PRPF39: variants seen among roughly 807,000 people sequenced by gnomAD.
The protein encoded by PRPF39 is pre-mRNA processing factor 39.
In PRPF39, 27 loss-of-function variants were observed where a neutral mutation model predicts 82.1. The observed-to-expected ratio is 0.33, with a 90% CI of 0.24 to 0.45. PRPF39 has a LOEUF of 0.45. Among genes scored for constraint, PRPF39 ranks in the 20% least tolerant of loss-of-function variants. The pLI is 1.00. For synonymous variants in PRPF39, 261 were observed against 256.4 expected, an observed-to-expected ratio of 1.02 and a Z score of -0.17; for missense variants, 581 against 796.9, an observed-to-expected ratio of 0.73 and a Z score of 3.26.
intron 1 of PRPF39, chr14:45,088,097 G>A (rs1883901929): frequency 6.5e-6 from 1 of 153,054 alleles, no homozygotes; most frequent in Non-Finnish European, 1.5e-5. Flanking sequence ...GTGTAATCTG[G>A]TAGAGAAGAT....
rs760664907 is a variant in PRPF39 at position 45,107,403 on chromosome 14, A to C, written c.738-48A>C. The C allele has an allele frequency of 5.1e-6, 7 of 1,369,640 alleles. No homozygotes were observed. In the South Asian group the frequency reaches 8.2e-5, roughly 16 times the overall value. The allele number at this position is 1,369,640 out of a possible 1,614,324, so 84.8% of individuals were successfully genotyped here. On this transcript the variant is annotated intron_variant, in intron 5 of 13. Coordinates refer to ENST00000355765, the MANE Select transcript of PRPF39 (RefSeq NM_017922.4). The stretch of plus-strand genomic sequence containing the variant: ...TATATAGTAGGAATCTCAATATGAG[A>C]TCTAAAATTATGATTCAAATACATA...
chr14:45,110,948 C>T lies in PRPF39; in HGVS notation c.1572+131C>T. ...TTTATTACTAAATGAGGACAACAGT[C>T]CCTCTAAACTGATGTTGCCATTTAA... is the stretch of plus-strand genomic sequence containing the variant. On this transcript the variant is annotated intron_variant, in intron 10 of 13. Transcript: ENST00000355765. The surrounding 1 kb of genome is among the most constrained non-coding windows in gnomAD (Gnocchi z 4.0). 3 of 898,592 alleles carry T rather than the reference C, an allele frequency of 3.3e-6. No homozygotes were observed. Among genetic ancestry groups the T allele is most frequent in the East Asian group, 5.3e-5 (2 of 37,504 alleles). The allele number at this position is 898,592 out of a possible 1,614,324, so 55.7% of individuals were successfully genotyped here.
chr14:45,086,401 T>G (rs1034540254), intron 1 of PRPF39, among the ~76,000 whole-genome samples: 1 of 152,248 alleles, frequency 6.6e-6, no homozygotes, highest in Non-Finnish European at 1.5e-5. Context: ...TATTGCCTAT[T>G]CACTTTATGT....
At chr14:45,102,463 T>G in intron 4 of PRPF39, 66 bp from the exon 5 acceptor site, 1 of 1,335,762 alleles carries the variant, frequency 7.5e-7, no homozygotes, top group Non-Finnish European at 1.0e-6. Context: ...CTTCTAAATT[T>G]AGAAATAATA....
intron 5 of PRPF39, among the ~76,000 whole-genome samples, chr14:45,105,053 C>T (rs1467386239): frequency 6.6e-6 from 1 of 152,162 alleles, no homozygotes; most frequent in African/African-American, 2.4e-5. Context: ...CTTATATCCT[C>T]AACATGCCTG....
intron 1 of PRPF39, among the ~76,000 whole-genome samples, chr14:45,093,472 C>T (rs888926217): frequency 3.3e-5 from 5 of 152,080 alleles, no homozygotes; most frequent in African/African-American, 1.2e-4. Flanking sequence ...GGTCTACCCT[C>T]CTCGGCCTCC....
chr14:45,099,019 A>G (rs1016104851), intron 4 of PRPF39, among the ~76,000 whole-genome samples: 2 of 152,130 alleles, frequency 1.3e-5, no homozygotes, highest in African/African-American at 4.8e-5. Flanking sequence ...AGCTTCTGCT[A>G]TTGCTTTTGA....
At chr14:45,105,225 TAAAG>T (rs541632749) in intron 5 of PRPF39, among the ~76,000 whole-genome samples, 187 of 152,290 alleles carry the variant, frequency 1.2e-3, no homozygotes, top group African/African-American at 4.2e-3. Context: ...GTCACTGTTT[TAAAG>T]AAGTTGTTAC....
intron 1 of PRPF39, among the ~76,000 whole-genome samples, chr14:45,089,184 ATTAAGC>A: frequency 6.6e-6 from 1 of 152,356 alleles, no homozygotes; most frequent in African/African-American, 2.4e-5. Flanking sequence ...GTCCAGTATC[ATTAAGC>A]TTTCCCCTAC....
intron 5 of PRPF39, among the ~76,000 whole-genome samples, chr14:45,106,666 T>C (rs150394130): frequency 2.0e-4 from 30 of 152,262 alleles, no homozygotes; most frequent in African/African-American, 6.7e-4. Flanking sequence ...TTTGGACTTG[T>C]GTTGTAGTTT....
Position 45,112,891 on chromosome 14 carries a change from G to A in PRPF39, c.1757+389G>A, listed in dbSNP as rs549606953. On this transcript the variant is annotated intron_variant, in intron 11 of 13. Transcript: ENST00000355765. ...CTCCAGTAGGAGTGCTATTTTCTGAGATTGGAGAAGAGGATGGATATGGTC... is the reference window on the plus strand; with the variant it reads ...CTCCAGTAGGAGTGCTATTTTCTGAAATTGGAGAAGAGGATGGATATGGTC... Among the ~76,000 whole-genome samples, 8 of 152,324 alleles carry A rather than the reference G, an allele frequency of 5.3e-5. No individual in the cohort carries two copies. The South Asian group carries it at 6.2e-4, about 12-fold the overall frequency.
At chr14:45,107,861 G>A (rs944841061) in intron 6 of PRPF39, among the ~76,000 whole-genome samples, 3 of 151,970 alleles carry the variant, frequency 2.0e-5, no homozygotes, top group Non-Finnish European at 2.9e-5. Flanking sequence ...CCTGGAAGGC[G>A]GAGGTTGCAG....
intron 5 of PRPF39, among the ~76,000 whole-genome samples, chr14:45,104,794 C>A (rs1594732768): frequency 1.3e-5 from 2 of 152,272 alleles, no homozygotes; most frequent in East Asian, 3.9e-4. Flanking sequence ...GAGCTCTAGA[C>A]ACACCTAAGT....
At chr14:45,084,501 T>C (rs1288405427) in intron 1 of PRPF39, among the ~76,000 whole-genome samples, 2 of 152,136 alleles carry the variant, frequency 1.3e-5, no homozygotes, top group African/African-American at 4.8e-5. Context: ...GGTGGAGAAG[T>C]GTGGGCCTCC....
intron 4 of PRPF39, among the ~76,000 whole-genome samples, chr14:45,101,408 C>T (rs943069767): frequency 6.6e-6 from 1 of 152,026 alleles, no homozygotes; most frequent in Non-Finnish European, 1.5e-5. Context: ...ATTAAAATTG[C>T]TTACAGAAAT....
rs945091052 is a variant in PRPF39, at chr14:45,084,135, C to CGT, written c.-132_-131dup. 6.5e-6 allele frequency: 1 copy of CGT among 153,436 alleles called. No individual in the cohort carries two copies. The highest frequency in any genetic ancestry group is 2.4e-5 in the African/African-American group (1 of 41,472). 9.5% of individuals were successfully genotyped at this position (153,436 alleles called of 1,614,324 possible). A position where few individuals can be genotyped will look rare whatever the true frequency, so the allele number is the denominator to read the frequency against. On this transcript the variant is annotated 5_prime_UTR_variant, in exon 1 of 14. Transcript: ENST00000355765. ...CGCATCGTGCCCTGGACCAGGCGGC[C>CGT]GTGGCGCGGGTGGCGGCTGCTGTGC...
chr14:45,114,864 A>T lies in PRPF39; in HGVS notation c.1961A>T (p.Tyr654Phe), dbSNP rs1884794359. The change falls in exon 14 of 14, where the codon TAT becomes TTT. Residue 654 changes from tyrosine (Y) to phenylalanine (F), a missense_variant. Coordinates refer to ENST00000355765, the MANE Select transcript of PRPF39 (RefSeq NM_017922.4). ...YNYSAWYQYN[Y>F]QNPWNYGQYY... is the part of the protein sequence containing the mutation. Reference sequence around the variant, plus strand: ...CTTACTTTTTCCTTTCAGTACAATTATCAGAATCCTTGGAATTATGGACAA... The same window carrying T: ...CTTACTTTTTCCTTTCAGTACAATTTTCAGAATCCTTGGAATTATGGACAA... 6.3e-7 allele frequency: 1 copy of T among 1,598,568 alleles called. No homozygotes were observed. Among genetic ancestry groups the T allele is most frequent in the African/African-American group, 1.3e-5 (1 of 74,616 alleles).
chr14:45,090,134 A>C (rs963845350), intron 1 of PRPF39, among the ~76,000 whole-genome samples: 1 of 152,242 alleles, frequency 6.6e-6, no homozygotes, highest in Non-Finnish European at 1.5e-5. Flanking sequence ...TCTGAAATAC[A>C]AAACCACAAA....
intron 5 of PRPF39, among the ~76,000 whole-genome samples, chr14:45,104,724 C>CTTTAGCATGAGGA: frequency 6.6e-6 from 1 of 152,324 alleles, no homozygotes; most frequent in African/African-American, 2.4e-5. Flanking sequence ...TTAAATCCTT[C>CTTTAGCATGAGGA]TTTAGCATGA....
Sources: allele counts gnomAD v4.1 joint callset (sites outside exome capture counted in the v4.1 genomes callset), GRCh38; gene constraint gnomAD v4.1.1; non-coding constraint Gnocchi (gnomAD v3.1); transcripts MANE v1.5; gene names NCBI Gene and HGNC (gene_info 2026-07-23, HGNC 2026-07-21).